Variants in ZNF566 observed in about 807,000 individuals in gnomAD.
ZNF566 encodes the protein zinc finger protein 566.
A neutral mutation model predicts 32.8 loss-of-function variants in ZNF566; 27 were observed. That is an observed-to-expected ratio of 0.82 (90% confidence interval 0.61 to 1.14). ZNF566 has a LOEUF of 1.14. ZNF566 is among the 50% of genes most tolerant of loss of function. The probability of loss-of-function intolerance (pLI) is 0.00; values close to 1 mark genes in which losing one functional copy is unlikely to be tolerated. For synonymous variants in ZNF566, 154 were observed against 159.5 expected, an observed-to-expected ratio of 0.97 and a Z score of 0.26; for missense variants, 402 against 490.4, an observed-to-expected ratio of 0.82 and a Z score of 1.70.
chr19:36,467,779 A>G (rs1359393250), intron 4 of ZNF566, among the ~76,000 whole-genome samples: 5 of 119,840 alleles, frequency 4.2e-5, no homozygotes, highest in Non-Finnish European at 8.2e-5. Flanking sequence ...TGACAGAGCG[A>G]GACTCCATCT....
intron 4 of ZNF566, among the ~76,000 whole-genome samples, chr19:36,459,602 C>G (rs1420608604): frequency 6.6e-6 from 1 of 150,504 alleles, no homozygotes; most frequent in African/African-American, 2.5e-5. Context: ...CCTCTGCCTT[C>G]CAGGTTCAAG....
intron 4 of ZNF566, among the ~76,000 whole-genome samples, chr19:36,472,216 T>C (rs921721479): frequency 6.6e-6 from 1 of 152,130 alleles, no homozygotes; most frequent in Non-Finnish European, 1.5e-5. Flanking sequence ...AGGCCCTTTA[T>C]TTCCAACCCT....
chr19:36,487,467 ATAC>A (rs1473304446), intron 1 of ZNF566, among the ~76,000 whole-genome samples: 1 of 152,242 alleles, frequency 6.6e-6, no homozygotes, highest in African/African-American at 2.4e-5. Context: ...ATCGACTAAT[ATAC>A]TACAATATAT....
chr19:36,450,724 C>T (rs970117622), intron 4 of ZNF566, among the ~76,000 whole-genome samples: 1 of 152,128 alleles, frequency 6.6e-6, no homozygotes, highest in African/African-American at 2.4e-5. Flanking sequence ...AATGAATATG[C>T]CTAATGGAAA....
chr19:36,453,505 AAATTAATTAATT>A (rs371684071), intron 4 of ZNF566, among the ~76,000 whole-genome samples: 3 of 99,780 alleles, frequency 3.0e-5, no homozygotes, highest in Non-Finnish European at 4.1e-5. Context: ...ATAAATAAAT[AAATTAATTAATT>A]AAAATAAAAT....
At chr19:36,478,616 TAAAAA>T (rs10541227) in intron 1 of ZNF566, among the ~76,000 whole-genome samples, 6 of 140,594 alleles carry the variant, frequency 4.3e-5, no homozygotes, top group Admixed American at 7.3e-5. Context: ...CTCATTAATG[TAAAAA>T]AAAAAAAAAA....
At chr19:36,460,524 A>G (rs1568516063) in intron 4 of ZNF566, among the ~76,000 whole-genome samples, 1 of 139,662 alleles carries the variant, frequency 7.2e-6, no homozygotes, top group Non-Finnish European at 1.6e-5. Flanking sequence ...TAGCAGCGAA[A>G]AAAAGATGGA....
chr19:36,468,975 A>G (rs1468702984), intron 4 of ZNF566, among the ~76,000 whole-genome samples: 4 of 151,810 alleles, frequency 2.6e-5, no homozygotes, highest in Non-Finnish European at 4.4e-5. Flanking sequence ...ATTATTTTGC[A>G]AAGTCCATAA....
At chr19:36,467,277 T>C (rs1297688499) in intron 4 of ZNF566, among the ~76,000 whole-genome samples, 1 of 149,214 alleles carries the variant, frequency 6.7e-6, no homozygotes, top group Non-Finnish European at 1.5e-5. Flanking sequence ...CTACTAAAAA[T>C]ATAAAAAATT....
At chr19:36,479,552 A>C (rs1480536253) in intron 1 of ZNF566, among the ~76,000 whole-genome samples, 1 of 152,226 alleles carries the variant, frequency 6.6e-6, no homozygotes, top group Non-Finnish European at 1.5e-5. Context: ...TGGTAAGAGA[A>C]ATTAAGGATC....
At chr19:36,489,396 C>A in intron 1 of ZNF566, 90 bp downstream of exon 1, 1 of 288,736 alleles carries the variant, frequency 3.5e-6, no homozygotes, top group Non-Finnish European at 6.8e-6. Context: ...GACGCAAGCG[C>A]ACGCTTTCAA....
intron 1 of ZNF566, among the ~76,000 whole-genome samples, chr19:36,482,185 A>C (rs62113910): frequency 0.21 from 31,954 of 152,116 alleles, 3,552 homozygotes; most frequent in South Asian, 0.36. Context: ...GGCTCACTGC[A>C]AGCTCCGCCT....
At chr19:36,453,664 CTAT>C (rs891020154) in intron 4 of ZNF566, among the ~76,000 whole-genome samples, 6 of 150,574 alleles carry the variant, frequency 4.0e-5, no homozygotes, top group African/African-American at 4.9e-5. Context: ...CAAAGTTAAG[CTAT>C]TATTATTATT....
chr19:36,473,083 A>G lies in ZNF566; in HGVS notation c.137-77T>C, dbSNP rs1162364612. On this transcript the variant is annotated intron_variant, in intron 3 of 4. Coordinates refer to ENST00000452939, the MANE Select transcript of ZNF566 (RefSeq NM_001145344.1). ...TTCAAATCCAGTCCCTTCATTATAA[A>G]GAAAGACATGGCATTATGAGAAGAG... is the stretch of plus-strand genomic sequence containing the variant. 2.7e-5 allele frequency: 36 copies of G among 1,339,186 alleles called. No individual in the cohort carries two copies. The Admixed American group carries it at 6.5e-4, about 24-fold the overall frequency. 83.0% of individuals were successfully genotyped at this position (1,339,186 alleles called of 1,614,324 possible). A position where few individuals can be genotyped will look rare whatever the true frequency, so the allele number is the denominator to read the frequency against.
chr19:36,460,904 A>G (rs1427026898), intron 4 of ZNF566, among the ~76,000 whole-genome samples: 1 of 152,208 alleles, frequency 6.6e-6, no homozygotes, highest in African/African-American at 2.4e-5. Flanking sequence ...AATTGGAACA[A>G]TAATTTATTG....
At chr19:36,484,692 C>A (rs886727558) in intron 1 of ZNF566, among the ~76,000 whole-genome samples, 1 of 150,752 alleles carries the variant, frequency 6.6e-6, no homozygotes. Context: ...CGGGTTAACG[C>A]CATTCTCCTG....
At chr19:36,457,707 CATG>C (rs1464812232) in intron 4 of ZNF566, among the ~76,000 whole-genome samples, 1 of 152,132 alleles carries the variant, frequency 6.6e-6, no homozygotes, top group African/African-American at 2.4e-5. Context: ...GCCTGACCAA[CATG>C]ATGAAATCCC....
At chr19:36,479,698 G>A (rs558525102) in intron 1 of ZNF566, among the ~76,000 whole-genome samples, 53 of 152,316 alleles carry the variant, frequency 3.5e-4, no homozygotes, top group African/African-American at 1.1e-3. Flanking sequence ...GCCGTGGCAC[G>A]ATCAAAGCTC....
At chr19:36,476,191 A>T (rs572517025) in intron 2 of ZNF566, 18 of 163,784 alleles carry the variant, frequency 1.1e-4, no homozygotes, top group Middle Eastern at 3.0e-3. Flanking sequence ...CTGTAATCCC[A>T]GCTACTCAGG....
Sources: allele counts gnomAD v4.1 joint callset (sites outside exome capture counted in the v4.1 genomes callset), GRCh38; gene constraint gnomAD v4.1.1; transcripts MANE v1.5; gene names NCBI Gene and HGNC (gene_info 2026-07-23, HGNC 2026-07-21).